TTN: variants seen among roughly 807,000 people sequenced by gnomAD.
The protein encoded by TTN is titin, also known as connectin.
In TTN, 1,525 loss-of-function variants were observed where a neutral mutation model predicts 3,223.0. The observed-to-expected ratio is 0.47, with a 90% CI of 0.45 to 0.49. The LOEUF is 0.49. TTN is among the 20% of genes least tolerant of loss of function. The pLI is 0.00. For synonymous variants in TTN, 14,094 were observed against 15,161.0 expected, an observed-to-expected ratio of 0.93 and a Z score of 5.17; for missense variants, 40,786 against 43,424.0, an observed-to-expected ratio of 0.94 and a Z score of 5.40.
At position 178,554,365 on chromosome 2, in the gene TTN, T is replaced by TA. The variant is rs1187581750; in HGVS notation, c.88894+87dup. On this transcript the variant is annotated intron_variant, in intron 332 of 362. Coordinates refer to ENST00000589042, the MANE Select transcript of TTN (RefSeq NM_001267550.2). ...GGATGGTAATGAGACAGGTGTTATA[T>TA]AAAAGAAAATTAAAGCATATGCACA... 8 of 1,470,298 alleles carry TA rather than the reference T, an allele frequency of 5.4e-6. No individual in the cohort carries two copies. In the African/African-American group the frequency reaches 1.1e-4, roughly 21 times the overall value. 91.1% of individuals were successfully genotyped at this position (1,470,298 alleles called of 1,614,324 possible).
chr2:178,736,294 A>G (rs1338696989), intron 49 of TTN, among the ~76,000 whole-genome samples: 14 of 152,184 alleles, frequency 9.2e-5, no homozygotes, highest in Non-Finnish European at 2.1e-4. Flanking sequence ...TGTCTCTATC[A>G]AAGAAAAGAC....
intron 313 of TTN, 24 bp from the exon 314 acceptor site, chr2:178,582,616 G>A (rs1369609782): frequency 6.3e-7 from 1 of 1,575,298 alleles, no homozygotes; most frequent in African/African-American, 1.4e-5. Context: ...GAAGAAGAGT[G>A]AATATGTGGA....
Position 178,749,916 on chromosome 2 carries a change from G to A in TTN, c.11311+3208C>T, listed in dbSNP as rs727504521. The A allele has an allele frequency of 7.4e-6, 12 of 1,613,136 alleles. No individual in the cohort carries two copies. The highest frequency in any genetic ancestry group is 1.0e-5 in the Non-Finnish European group (12 of 1,179,478). ...CACCTGGCATGCTTTGGCATTTCTT[G>A]TAACATTTTTGGTGGTTCATTAGTA... On this transcript the variant is annotated intron_variant, in intron 47 of 362. Transcript: ENST00000589042.
Position 178,572,807 on chromosome 2 carries a change from G to A in TTN, c.73325C>T (p.Ala24442Val). The change falls in exon 326 of 363, where the codon GCC (alanine) becomes GTC (valine). Residue 24442 changes from alanine to valine, a missense_variant. Ala to Val is a moderately conservative substitution (Grantham distance 64). Transcript: ENST00000589042. ...AACAAAAAGTCTCAGGGTGCAGCAG[G>A]CCCTTATAGTAACAACTTTGCGCAG... ...ADLRKVVTIR[A>V]CCTLRLFVPI... 5 of 1,613,400 alleles carry A rather than the reference G, an allele frequency of 3.1e-6. No homozygotes were observed. The highest frequency in any genetic ancestry group is 4.2e-6 in the Non-Finnish European group (5 of 1,179,568).
rs754480252 is a variant in TTN, at chr2:178,564,256, A to C, written c.81876T>G (p.Thr27292=). 6.2e-7 allele frequency: 1 copy of C among 1,613,330 alleles called. No homozygotes were observed. Among genetic ancestry groups the C allele is most frequent in the South Asian group, 1.1e-5 (1 of 91,074 alleles). Residue 27292 remains threonine (T), a synonymous_variant, in exon 326 of 363, where the codon ACT becomes ACG. Coordinates refer to ENST00000589042, the MANE Select transcript of TTN (RefSeq NM_001267550.2). ...CACGGATGTCGGCTTCAAGAACAAA[A>C]GTCTCTCCTGCATGAACAACGATGA... ...KDVIVVHAGE[T]FVLEADIRGK...
intron 145 of TTN, 41 bp from the exon 146 acceptor site, chr2:178,677,958 T>C: frequency 6.4e-7 from 1 of 1,567,376 alleles, no homozygotes; most frequent in Non-Finnish European, 8.6e-7. Context: ...ATCACTTTTA[T>C]GTAAAATATT....
At position 178,719,057 on chromosome 2, in the gene TTN, C is replaced by T; in HGVS notation, c.24227-84G>A. Reference sequence around the variant, plus strand: ...GCTTTTGCTCCTTAAAAAAAGGGAGCTAAGACTAAACATGAAGACAAAATA... The same window carrying T: ...GCTTTTGCTCCTTAAAAAAAGGGAGTTAAGACTAAACATGAAGACAAAATA... On this transcript the variant is annotated intron_variant, in intron 83 of 362. Coordinates refer to ENST00000589042, the MANE Select transcript of TTN (RefSeq NM_001267550.2). The T allele has an allele frequency of 2.6e-6, 4 of 1,523,238 alleles. No individual in the cohort carries two copies. In the South Asian group the frequency reaches 5.4e-5, roughly 21 times the overall value. 94.4% of individuals were successfully genotyped at this position (1,523,238 alleles called of 1,614,324 possible).
Position 178,729,859 on chromosome 2 carries a change from T to C in TTN, c.18394A>G (p.Thr6132Ala). ...STTFECQITG[T>A]PKIRVSWYLD... ...TACCAAGACACTCGGATTTTAGGAGTGCCTGTTATTTGGCATTCAAATGTT... is the reference window on the plus strand; with the variant it reads ...TACCAAGACACTCGGATTTTAGGAGCGCCTGTTATTTGGCATTCAAATGTT... The change falls in exon 63 of 363, where the codon ACT becomes GCT. Residue 6132 changes from threonine to alanine, a missense_variant. Transcript: ENST00000589042. The C allele has an allele frequency of 6.2e-7, 1 of 1,613,604 alleles. No individual in the cohort carries two copies. Among genetic ancestry groups the C allele is most frequent in the Non-Finnish European group, 8.5e-7 (1 of 1,179,728 alleles).
rs527924868 is a variant in TTN, at chr2:178,756,410, A to G, written c.11066T>C (p.Ile3689Thr). The change falls in exon 46 of 363, where the codon ATT becomes ACT. Residue 3689 changes from isoleucine (I) to threonine (T), a missense_variant. By Grantham distance (89) the Ile-to-Thr change is moderately conservative. Transcript: ENST00000589042. ...FLCVLKDDSF[I>T]DVTWTHEGAK... ...ACCTTCGTGAGTCCAGGTTACATCA[A>G]TGAAAGAATCATCTTTTAAAACACA... 9.5e-5 allele frequency: 154 copies of G among 1,613,798 alleles called. 3 individuals carry two copies. In the South Asian group the frequency reaches 1.3e-3, roughly 13 times the overall value.
intron 113 of TTN, among the ~76,000 whole-genome samples, chr2:178,696,743 T>A (rs751265083): frequency 1.3e-5 from 2 of 152,118 alleles, no homozygotes; most frequent in Non-Finnish European, 2.9e-5. Flanking sequence ...AAAACAACAT[T>A]TAAAATTATG....
intron 46 of TTN, chr2:178,753,645 A>T (rs979345301): frequency 6.3e-6 from 1 of 158,408 alleles, no homozygotes; most frequent in African/African-American, 2.4e-5. Context: ...ACTTTGAACT[A>T]CATGAAGTCC....
rs373496180 is a variant in TTN, at chr2:178,722,118, G to C, written c.22545C>G (p.Pro7515=). Reference sequence around the variant, plus strand: ...TAGATACAGGCTTGATGTCAAAGAAGGGAGATTTCTTGGGTTCTGGAGGAT... The same window carrying C: ...TAGATACAGGCTTGATGTCAAAGAACGGAGATTTCTTGGGTTCTGGAGGAT... ...RLTAREPKKS[P]FFDIKPVSID... Residue 7515 remains proline (P), a synonymous_variant, in exon 78 of 363, where the codon CCC becomes CCG. Coordinates refer to ENST00000589042, the MANE Select transcript of TTN (RefSeq NM_001267550.2). 23 of 1,566,724 alleles carry C rather than the reference G, an allele frequency of 1.5e-5. No individual in the cohort carries two copies. The African/African-American group carries it at 2.7e-4, about 19-fold the overall frequency.
intron 238 of TTN, 86 bp downstream of exon 238, chr2:178,630,718 T>C (rs2059699628): frequency 1.3e-6 from 2 of 1,523,370 alleles, no homozygotes; most frequent in Admixed American, 2.1e-5. Flanking sequence ...ATGTTTTAAA[T>C]GTCCTGCATC....
chr2:178,774,539 AGAT>A, intron 29 of TTN, 66 bp from the exon 30 acceptor site: 1 of 1,499,720 alleles, frequency 6.7e-7, no homozygotes, highest in Non-Finnish European at 9.1e-7. Flanking sequence ...CTTAGGATAG[AGAT>A]GATGTCTTGT....
chr2:178,536,878 G>T, intron 356 of TTN, 60 bp downstream of exon 356: 3 of 1,432,172 alleles, frequency 2.1e-6, no homozygotes, highest in Non-Finnish European at 2.8e-6. Flanking sequence ...CTGTTTAAAA[G>T]AATTTTATGC....
Position 178,724,637 on chromosome 2 carries a change from T to G in TTN, c.20837-99A>C. On this transcript the variant is annotated intron_variant, in intron 71 of 362. Transcript: ENST00000589042. Reference sequence around the variant, plus strand: ...ATTGTTTCTCCCAGTGAGATGGTTATGTTAGGGTGCTCTCTCTCTCGACTT... The same window carrying G: ...ATTGTTTCTCCCAGTGAGATGGTTAGGTTAGGGTGCTCTCTCTCTCGACTT... 7 of 1,281,848 alleles carry G rather than the reference T, an allele frequency of 5.5e-6. No homozygotes were observed. In the Admixed American group the frequency reaches 2.3e-4, roughly 42 times the overall value. 79.4% of individuals were successfully genotyped at this position (1,281,848 alleles called of 1,614,324 possible).
Position 178,562,128 on chromosome 2 carries a change from T to A in TTN, c.84004A>T (p.Thr28002Ser). ...TTGACTCTAGTTGTCTCTTTAAGAG[T>A]CTGACCATCTTTTCTCCAGTTCACA... ...ATVNWRKDGQ[T>S]LKETTRVNVS... The change falls in exon 326 of 363, where the codon ACT (threonine) becomes TCT (serine). Residue 28002 changes from threonine (T) to serine (S), a missense_variant. Thr to Ser is a moderately conservative substitution (Grantham distance 58, BLOSUM62 1). Coordinates refer to ENST00000589042, the MANE Select transcript of TTN (RefSeq NM_001267550.2). 1 of 1,613,218 alleles carries A rather than the reference T, an allele frequency of 6.2e-7. No individual in the cohort carries two copies. Among genetic ancestry groups the A allele is most frequent in the Admixed American group, 1.7e-5 (1 of 59,928 alleles).
intron 221 of TTN, 31 bp downstream of exon 221, chr2:178,640,508 TAG>T: frequency 6.4e-7 from 1 of 1,572,262 alleles, no homozygotes; most frequent in Non-Finnish European, 8.7e-7. Context: ...TTTGCATTTT[TAG>T]AGACAACTAA....
Position 178,776,531 on chromosome 2 carries a change from C to T in TTN, c.5333G>A (p.Arg1778Lys). ...ATCTGTTCCATATTTGTTAGTGGCTCTGCAAGTAATGATACCACTGTCTCT... is the reference window on the plus strand; with the variant it reads ...ATCTGTTCCATATTTGTTAGTGGCTTTGCAAGTAATGATACCACTGTCTCT... Reference protein sequence around the residue: ...YSRDSGIITCRATNKYGTDHT... With the variant: ...YSRDSGIITCKATNKYGTDHT... The change falls in exon 28 of 363, where the codon AGA becomes AAA. Residue 1778 changes from arginine to lysine, a missense_variant. By Grantham distance (26) the Arg-to-Lys change is conservative. Coordinates refer to ENST00000589042, the MANE Select transcript of TTN (RefSeq NM_001267550.2). 1 of 1,610,386 alleles carries T rather than the reference C, an allele frequency of 6.2e-7. No individual in the cohort carries two copies.
Sources: gnomAD v4.1 joint callset for allele counts (sites outside exome capture counted in the v4.1 genomes callset) on GRCh38, gnomAD v4.1.1 for gene constraint, MANE v1.5 for transcripts, NCBI Gene and HGNC (gene_info 2026-07-23, HGNC 2026-07-21) for gene names.